The following FAM149B1 variants were observed in gnomAD, a reference collection of about 807,000 sequenced individuals.
FAM149B1 encodes the protein primary cilium assembly protein FAM149B1.
Under a neutral mutation model 75.3 loss-of-function variants are expected in FAM149B1, and 56 were observed. That is an observed-to-expected ratio of 0.74 (90% CI 0.60 to 0.93). The LOEUF (loss-of-function observed/expected upper bound fraction) is 0.93, where lower values mean the gene tolerates loss of function less well. FAM149B1 is among the 40% of genes least tolerant of loss of function. The pLI is 0.00. For synonymous variants in FAM149B1, 259 were observed against 256.1 expected, an observed-to-expected ratio of 1.01 and a Z score of -0.11; for missense variants, 639 against 708.4, an observed-to-expected ratio of 0.90 and a Z score of 1.11.
intron 12 of FAM149B1, among the ~76,000 whole-genome samples, chr10:73,236,211 C>A (rs1478122291): frequency 1.3e-5 from 2 of 148,894 alleles, no homozygotes; most frequent in Non-Finnish European, 3.0e-5. Context: ...TAAGAAATGA[C>A]CAAACAACTG....
intron 1 of FAM149B1, among the ~76,000 whole-genome samples, chr10:73,170,579 T>C (rs573152945): frequency 2.0e-5 from 3 of 152,174 alleles, no homozygotes; most frequent in African/African-American, 4.8e-5. Context: ...CCTCAATAAA[T>C]GGTATTTTCC....
chr10:73,208,504 CCA>C (rs1157584306), intron 5 of FAM149B1, 113 bp from the exon 6 acceptor site: 3 of 625,518 alleles, frequency 4.8e-6, no homozygotes, highest in African/African-American at 1.8e-5. Flanking sequence ...TTAGAATAGT[CCA>C]CGAAGGTATT....
intron 3 of FAM149B1, among the ~76,000 whole-genome samples, chr10:73,188,341 TAA>T (rs1402562945): frequency 1.3e-5 from 2 of 152,090 alleles, no homozygotes; most frequent in African/African-American, 4.8e-5. Flanking sequence ...AACTTAAATA[TAA>T]GAGCAAAAAC....
At chr10:73,185,425 T>C (rs2042495871) in intron 3 of FAM149B1, among the ~76,000 whole-genome samples, 1 of 152,206 alleles carries the variant, frequency 6.6e-6, no homozygotes, top group East Asian at 1.9e-4. Context: ...GGCACGTGCC[T>C]TTAGTCCCAG....
chr10:73,169,717 G>T (rs1272290884), intron 1 of FAM149B1, among the ~76,000 whole-genome samples: 1 of 152,112 alleles, frequency 6.6e-6, no homozygotes, highest in Non-Finnish European at 1.5e-5. Context: ...TCCCACTTTG[G>T]CCTCCCAAAG....
At chr10:73,171,790 A>G (rs533975372) in intron 1 of FAM149B1, among the ~76,000 whole-genome samples, 1 of 151,896 alleles carries the variant, frequency 6.6e-6, no homozygotes, top group East Asian at 1.9e-4. Context: ...CACCATGCCC[A>G]GCTAATTTTT....
At chr10:73,240,441 G>GCA (rs1564720470) in intron 13 of FAM149B1, among the ~76,000 whole-genome samples, 2 of 151,904 alleles carry the variant, frequency 1.3e-5, no homozygotes, top group Admixed American at 6.6e-5. Flanking sequence ...GGCTGGGCGT[G>GCA]GTGGCTCATG....
At chr10:73,220,396 G>A (rs1385321794) in intron 7 of FAM149B1, among the ~76,000 whole-genome samples, 3 of 152,048 alleles carry the variant, frequency 2.0e-5, no homozygotes, top group Non-Finnish European at 4.4e-5. Flanking sequence ...ATTGTCAAAA[G>A]ACCAAGAAAA....
At position 73,243,554 on chromosome 10, in the gene FAM149B1, A is replaced by G; in HGVS notation, c.*2535A>G. 6.2e-7 allele frequency: 1 copy of G among 1,613,402 alleles called. No individual in the cohort carries two copies. Among genetic ancestry groups the G allele is most frequent in the Non-Finnish European group, 8.5e-7 (1 of 1,179,756 alleles). ...AAGTTAAAACACAAGCTTTCACAACATTATCCATAGACAGAAAGTACCTAG... is the reference window on the plus strand; with the variant it reads ...AAGTTAAAACACAAGCTTTCACAACGTTATCCATAGACAGAAAGTACCTAG... On this transcript the variant is annotated 3_prime_UTR_variant, in exon 14 of 14. Transcript: ENST00000242505.
chr10:73,204,312 A>G (rs1330220737), intron 5 of FAM149B1, among the ~76,000 whole-genome samples: 1 of 151,872 alleles, frequency 6.6e-6, no homozygotes, highest in Non-Finnish European at 1.5e-5. Context: ...TTTAGTAGAG[A>G]CGGGGTTTTA....
intron 7 of FAM149B1, among the ~76,000 whole-genome samples, chr10:73,213,176 G>T (rs1168731672): frequency 2.0e-5 from 3 of 152,100 alleles, no homozygotes; most frequent in African/African-American, 7.2e-5. Flanking sequence ...CTTTTAAATA[G>T]GGTTATTTAT....
At chr10:73,202,121 C>G (rs1443731351) in intron 5 of FAM149B1, among the ~76,000 whole-genome samples, 9 of 152,098 alleles carry the variant, frequency 5.9e-5, no homozygotes, top group African/African-American at 1.7e-4. Context: ...GCCAAGATCA[C>G]GCTACTGCAC....
At chr10:73,209,870 T>C (rs2043149354) in intron 6 of FAM149B1, among the ~76,000 whole-genome samples, 1 of 148,418 alleles carries the variant, frequency 6.7e-6, no homozygotes, top group Non-Finnish European at 1.5e-5. Flanking sequence ...TGTCACATGA[T>C]TCTGGATGCA....
chr10:73,231,965 AG>A (rs965506281), intron 9 of FAM149B1, among the ~76,000 whole-genome samples: 33 of 151,016 alleles, frequency 2.2e-4, no homozygotes, highest in Non-Finnish European at 4.0e-4. Context: ...CTAGAGAGGC[AG>A]GAAGACCAGA....
At chr10:73,201,896 G>A (rs1373929039) in intron 5 of FAM149B1, among the ~76,000 whole-genome samples, 1 of 152,070 alleles carries the variant, frequency 6.6e-6, no homozygotes, top group African/African-American at 2.4e-5. Context: ...CAGGAGCGAT[G>A]GCTCACACCT....
rs1379663850 is a variant in FAM149B1, at chr10:73,168,206, G to C, written c.-134G>C. ...GTGGCTGCTCGGAGTCTAGGTGACGGGGCGAGACGGGGCCGGTAGGTGGCG... is the reference window on the plus strand; with the variant it reads ...GTGGCTGCTCGGAGTCTAGGTGACGCGGCGAGACGGGGCCGGTAGGTGGCG... On this transcript the variant is annotated 5_prime_UTR_variant, in exon 1 of 14. Coordinates refer to ENST00000242505, the MANE Select transcript of FAM149B1 (RefSeq NM_173348.2). The C allele has an allele frequency of 3.3e-6, 3 of 913,438 alleles. No individual in the cohort carries two copies. The highest frequency in any genetic ancestry group is 4.9e-6 in the Non-Finnish European group (3 of 617,132). 56.6% of individuals were successfully genotyped at this position (913,438 alleles called of 1,614,324 possible).
In FAM149B1 at chr10:73,233,042, T is replaced by C; in HGVS notation, c.1231T>C (p.Tyr411His). ...GGAGTTTAGTACATCATCTCTGTCA[T>C]ACACAGTGCAGTCCACCAGGAGACG... ...AVEFSTSSLS[Y>H]TVQSTRRRNP... Residue 411 changes from tyrosine (Y) to histidine (H), a missense_variant, in exon 10 of 14, where the codon TAC (tyrosine) becomes CAC (histidine). By Grantham distance (83) the Tyr-to-His change is moderately conservative (BLOSUM62 2). Coordinates refer to ENST00000242505, the MANE Select transcript of FAM149B1 (RefSeq NM_173348.2). The C allele has an allele frequency of 6.4e-7, 1 of 1,551,732 alleles. No individual in the cohort carries two copies.
At position 73,222,673 on chromosome 10, in the gene FAM149B1, A is replaced by G. The variant is rs556347925; in HGVS notation, c.899-5387A>G. Among the ~76,000 whole-genome samples the G allele has an allele frequency of 5.3e-5, 8 of 152,238 alleles. No individual in the cohort carries two copies. In the South Asian group the frequency reaches 8.3e-4, roughly 16 times the overall value. On this transcript the variant is annotated intron_variant, in intron 7 of 13. Transcript: ENST00000242505. ...TTGGAAACTTTTTCAAGGCAATTGC[A>G]GGTCCAGTCTCATTTGTTTATCATC...
intron 8 of FAM149B1, among the ~76,000 whole-genome samples, chr10:73,229,318 G>T (rs1278468709): frequency 6.6e-6 from 1 of 152,104 alleles, no homozygotes; most frequent in Non-Finnish European, 1.5e-5. Flanking sequence ...TACAAAACAG[G>T]TATTTAAAAA....
Sources: allele counts gnomAD v4.1 joint callset (sites outside exome capture counted in the v4.1 genomes callset), GRCh38; gene constraint gnomAD v4.1.1; transcripts MANE v1.5; gene names NCBI Gene and HGNC (gene_info 2026-07-23, HGNC 2026-07-21).